CP: variants seen among roughly 807,000 people sequenced by gnomAD.
CP encodes caeruloplasmin.
A neutral mutation model predicts 122.4 loss-of-function variants in CP; 64 were observed. That is an observed-to-expected ratio of 0.52 (90% CI 0.43 to 0.64). CP has a LOEUF of 0.64. Ranked by LOEUF, CP falls within the 30% of genes least tolerant of loss-of-function variation. CP has a pLI of 0.00. For missense variants in CP, 1,167 were observed against 1,284.4 expected, an observed-to-expected ratio of 0.91 and a Z score of 1.40; for synonymous variants, 440 against 436.4, an observed-to-expected ratio of 1.01 and a Z score of -0.10.
intron 14 of CP, 30 bp downstream of exon 14, chr3:149,181,975 C>CTGGGGGGGGGGGG: frequency 2.8e-6 from 3 of 1,088,426 alleles, no homozygotes; most frequent in East Asian, 3.2e-5. Context: ...TGTTAAAATG[C>CTGGGGGGGGGGGG]ACCACCCCCA....
At chr3:149,182,506 T>C (rs1227878020) in intron 13 of CP, among the ~76,000 whole-genome samples, 1 of 152,094 alleles carries the variant, frequency 6.6e-6, no homozygotes, top group African/African-American at 2.4e-5. Flanking sequence ...TTTGCCTTGG[T>C]GTCTTAGTCT....
chr3:149,179,711 TACACACACACACAC>T (rs71304221), intron 14 of CP, 49 bp from the exon 15 acceptor site: 102 of 609,060 alleles, frequency 1.7e-4, no homozygotes, highest in African/African-American at 1.5e-3. Flanking sequence ...GTTTATATTG[TACACACACACACAC>T]ACACACACAC....
intron 1 of CP, among the ~76,000 whole-genome samples, chr3:149,217,657 G>A (rs946205450): frequency 6.6e-6 from 1 of 152,142 alleles, no homozygotes; most frequent in Non-Finnish European, 1.5e-5. Flanking sequence ...CTTTCAATAT[G>A]CCCAAGTTTA....
chr3:149,204,915 G>A (rs1727600499), intron 6 of CP, among the ~76,000 whole-genome samples: 1 of 152,074 alleles, frequency 6.6e-6, no homozygotes, highest in Non-Finnish European at 1.5e-5. Context: ...TCAAGAAAGT[G>A]AAAGACAACC....
intron 17 of CP, 200 bp from the exon 18 acceptor site, chr3:149,176,612 G>A: frequency 3.6e-6 from 2 of 548,230 alleles, no homozygotes; most frequent in East Asian, 3.1e-5. Flanking sequence ...CATCAAGTGG[G>A]TGTGAAAGAA....
In CP at chr3:149,182,099, G is replaced by C; in HGVS notation, c.2460C>G (p.Val820=). The change falls in exon 14 of 19, where the codon GTC becomes GTG. Residue 820 remains valine (V), a synonymous_variant. Coordinates refer to ENST00000264613, the MANE Select transcript of CP (RefSeq NM_000096.4). The part of the protein sequence containing the change: ...PQLHADVGDK[V]KIIFKNMATR... Reference sequence around the variant, plus strand: ...TGGCCATGTTTTTAAAGATAATTTTGACTTTGTCTCCAACATCTGCATGAA... The same window carrying C: ...TGGCCATGTTTTTAAAGATAATTTTCACTTTGTCTCCAACATCTGCATGAA... 6.2e-7 allele frequency: 1 copy of C among 1,608,660 alleles called. No homozygotes were observed. The highest frequency in any genetic ancestry group is 1.1e-5 in the South Asian group (1 of 90,984).
chr3:149,168,778 A>G (rs1030980126), downstream of CP, among the ~76,000 whole-genome samples: 1 of 152,184 alleles, frequency 6.6e-6, no homozygotes, highest in Non-Finnish European at 1.5e-5. Context: ...TTTTCAGAAG[A>G]TGGAAGTGTC....
At position 149,208,569 on chromosome 3, in the gene CP, CAAAT is replaced by C. The variant is rs371546894; in HGVS notation, c.781+638_781+641del. On this transcript the variant is annotated intron_variant, in intron 4 of 18. Transcript: ENST00000264613. The stretch of plus-strand genomic sequence containing the variant: ...TTATTTTGAAGAAGTTAAACACAAA[CAAAT>C]AAACGAAAATATCTACTTATTGGTC... 3.0e-4 allele frequency among the ~76,000 whole-genome samples: 45 copies of C among 152,204 alleles called. 1 individual carries two copies. The East Asian group carries it at 6.7e-3, about 23-fold the overall frequency.
chr3:149,177,782 C>T, intron 17 of CP, 58 bp downstream of exon 17: 1 of 1,565,116 alleles, frequency 6.4e-7, no homozygotes, highest in Non-Finnish European at 8.8e-7. Context: ...ATATTTTCTT[C>T]ACTTGTATTA....
intron 5 of CP, among the ~76,000 whole-genome samples, chr3:149,165,513 C>CT (rs1724327125): frequency 6.6e-6 from 1 of 151,732 alleles, no homozygotes; most frequent in South Asian, 2.1e-4. Flanking sequence ...CAGTCTCACT[C>CT]TATTGCCCAG....
chr3:149,190,019 T>A (rs545218384), intron 9 of CP, among the ~76,000 whole-genome samples: 1 of 152,096 alleles, frequency 6.6e-6, no homozygotes, highest in Non-Finnish European at 1.5e-5. Context: ...CTTTTTATCT[T>A]AAGACTAAAT....
intron 1 of CP, among the ~76,000 whole-genome samples, chr3:149,214,518 C>T (rs540900479): frequency 1.3e-5 from 2 of 152,284 alleles, no homozygotes; most frequent in East Asian, 1.9e-4. Context: ...TGTCCATCCC[C>T]TGTCCTGGTG....
At position 149,210,227 on chromosome 3, in the gene CP, T is replaced by C. The variant is rs2108296752; in HGVS notation, c.547A>G (p.Ile183Val). The C allele has an allele frequency of 6.2e-7, 1 of 1,614,090 alleles. No individual in the cohort carries two copies. Among genetic ancestry groups the C allele is most frequent in the African/African-American group, 1.3e-5 (1 of 75,056 alleles). The change falls in exon 3 of 19, where the codon ATT (isoleucine) becomes GTT (valine). Residue 183 changes from isoleucine (I) to valine (V), a missense_variant. Coordinates refer to ENST00000264613, the MANE Select transcript of CP (RefSeq NM_000096.4). ...NCVTRIYHSH[I>V]DAPKDIASGL... ...GAGGCAATATCTTTTGGAGCATCAA[T>C]GTGGGAATGGTAAATCCTAGTCACA...
At chr3:149,195,865 CAAA>C (rs1207450901) in intron 9 of CP, among the ~76,000 whole-genome samples, 4 of 54,596 alleles carry the variant, frequency 7.3e-5, no homozygotes, top group Non-Finnish European at 7.6e-5. Flanking sequence ...GACACCGTCT[CAAA>C]AAAAAAAAAA....
intron 17 of CP, among the ~76,000 whole-genome samples, chr3:149,177,102 A>G (rs1192674928): frequency 1.3e-5 from 2 of 152,200 alleles, no homozygotes; most frequent in East Asian, 3.8e-4. Flanking sequence ...CTGAGAAAGA[A>G]TAGAAGTAAG....
chr3:149,174,728 T>G (rs1261537291), intron 18 of CP, among the ~76,000 whole-genome samples: 1 of 152,198 alleles, frequency 6.6e-6, no homozygotes, highest in East Asian at 1.9e-4. Context: ...CTCAAAGCTT[T>G]ATTGGACTTA....
At chr3:149,168,045 C>T (rs1017257916), downstream of CP, 1 of 965,222 alleles carries the variant, frequency 1.0e-6, no homozygotes, top group African/African-American at 1.6e-5. Context: ...TTTGGTGAAG[C>T]CTTCTTAAGT....
chr3:149,207,744 C>G, intron 4 of CP, 127 bp from the exon 5 acceptor site: 6 of 911,090 alleles, frequency 6.6e-6, no homozygotes, highest in Admixed American at 1.9e-5. Flanking sequence ...ATTCTTGCCC[C>G]CTATACTCAT....
chr3:149,212,944 T>C (rs1257112713), intron 1 of CP, among the ~76,000 whole-genome samples: 1 of 152,210 alleles, frequency 6.6e-6, no homozygotes, highest in Non-Finnish European at 1.5e-5. Context: ...CATAGAAATG[T>C]AGTGCATCTT....
Sources: allele counts gnomAD v4.1 joint callset (sites outside exome capture counted in the v4.1 genomes callset), GRCh38; gene constraint gnomAD v4.1.1; transcripts MANE v1.5; gene names NCBI Gene and HGNC (gene_info 2026-07-23, HGNC 2026-07-21).